TRIM37: variants seen among roughly 807,000 people sequenced by gnomAD.
TRIM37 encodes tripartite motif containing 37.
Under a neutral mutation model 129.8 loss-of-function variants are expected in TRIM37, and 80 were observed. The ratio of observed to expected loss-of-function variants is 0.62; its 90% CI spans 0.51 to 0.74. The LOEUF (loss-of-function observed/expected upper bound fraction) is 0.74, where lower values mean the gene tolerates loss of function less well. Ranked by LOEUF, TRIM37 falls within the 30% of genes least tolerant of loss-of-function variation. TRIM37 has a pLI of 0.00. For missense variants in TRIM37, 1,054 were observed against 1,176.5 expected, an observed-to-expected ratio of 0.90 and a Z score of 1.52; for synonymous variants, 389 against 387.1, an observed-to-expected ratio of 1.00 and a Z score of -0.06.
At chr17:58,980,679 T>C, downstream of TRIM37, 1 of 1,614,192 alleles carries the variant, frequency 6.2e-7, no homozygotes, top group South Asian at 1.1e-5. The surrounding 1 kb of genome is among the most constrained non-coding windows in gnomAD (Gnocchi z 4.7). Flanking sequence ...GGGGAGCAGA[T>C]ATACAGAATG....
intron 16 of TRIM37, among the ~76,000 whole-genome samples, chr17:59,042,343 C>G (rs1435324379): frequency 7.0e-6 from 1 of 143,272 alleles, no homozygotes; most frequent in Non-Finnish European, 1.5e-5. Flanking sequence ...CAACTGCACT[C>G]CAGCCTGGGC....
At chr17:59,020,907 A>T (rs907872205) in intron 19 of TRIM37, among the ~76,000 whole-genome samples, 2 of 152,194 alleles carry the variant, frequency 1.3e-5, no homozygotes, top group Non-Finnish European at 2.9e-5. Context: ...ACTACGGAAA[A>T]CAGTTTGGAG....
chr17:58,999,347 G>A lies in TRIM37; in HGVS notation c.*30C>T, dbSNP rs753830301. The A allele has an allele frequency of 1.9e-6, 3 of 1,613,622 alleles. No homozygotes were observed. The African/African-American group carries it at 4.0e-5, about 22-fold the overall frequency. On this transcript the variant is annotated 3_prime_UTR_variant, in exon 24 of 24. Coordinates refer to ENST00000262294, the MANE Select transcript of TRIM37 (RefSeq NM_015294.6). ...TACAGCAAAATTCAGGGTCAAGGTA[G>A]CTTGCAAGTCAGTTCTCTTGATTTG...
intron 1 of TRIM37, among the ~76,000 whole-genome samples, chr17:59,104,937 CAA>C (rs1462570870): frequency 6.6e-6 from 1 of 151,674 alleles, no homozygotes; most frequent in Non-Finnish European, 1.5e-5. Context: ...ACTAAAAATA[CAA>C]AAATTAGCCA....
At chr17:59,061,777 C>T (rs982919350) in intron 11 of TRIM37, among the ~76,000 whole-genome samples, 2 of 152,046 alleles carry the variant, frequency 1.3e-5, no homozygotes, top group African/African-American at 4.8e-5. Context: ...CCCAACGAGA[C>T]AATGAAGGCT....
At chr17:58,984,814 C>T (rs2031646480) in intron 24 of TRIM37, 1 of 152,356 alleles carries the variant, frequency 6.6e-6, no homozygotes, top group South Asian at 2.1e-4. Flanking sequence ...AATTAGAAAA[C>T]ATGAAATAGG....
Position 58,998,568 on chromosome 17 carries a change from T to G in TRIM37, c.*809A>C, listed in dbSNP as rs2033255733. The G allele has an allele frequency of 3.0e-5, 30 of 985,396 alleles. No homozygotes were observed. Among genetic ancestry groups the G allele is most frequent in the Non-Finnish European group, 3.6e-5 (30 of 829,922 alleles). The allele number at this position is 985,396 out of a possible 1,614,324, so 61.0% of individuals were successfully genotyped here. A position where few individuals can be genotyped will look rare whatever the true frequency, so the allele number is the denominator to read the frequency against. ...AATGAATCTTTAAATGTGTTGACAC[T>G]GAAATCAATGTACAACTAATGAAAA... On this transcript the variant is annotated 3_prime_UTR_variant, in exon 24 of 24. Coordinates refer to ENST00000262294, the MANE Select transcript of TRIM37 (RefSeq NM_015294.6).
intron 21 of TRIM37, among the ~76,000 whole-genome samples, 156 bp downstream of exon 21, chr17:59,015,454 A>T (rs1301989148): frequency 6.6e-6 from 1 of 151,712 alleles, no homozygotes; most frequent in Non-Finnish European, 1.5e-5. Flanking sequence ...AATAAAAAAA[A>T]TTAAAAAAGT....
rs573995545 is a variant in TRIM37, at chr17:59,088,531, A to G, written c.165-124T>C. On this transcript the variant is annotated intron_variant, in intron 3 of 23. Coordinates refer to ENST00000262294, the MANE Select transcript of TRIM37 (RefSeq NM_015294.6). ...ACCATAACACTATTTTTTTTTTTTA[A>G]GAGATGAGTCTCACTCTATGACCCA... 23 of 706,314 alleles carry G rather than the reference A, an allele frequency of 3.3e-5. No homozygotes were observed. The African/African-American group carries it at 4.1e-4, about 13-fold the overall frequency. The allele number at this position is 706,314 out of a possible 1,614,324, so 43.8% of individuals were successfully genotyped here.
At chr17:59,057,089 A>G in intron 12 of TRIM37, 35 bp from the exon 13 acceptor site, 6 of 1,584,912 alleles carry the variant, frequency 3.8e-6, no homozygotes, top group Non-Finnish European at 5.2e-6. Flanking sequence ...CTATACAGTT[A>G]GTAAAGTAAG....
chr17:59,088,236 A>T, intron 4 of TRIM37, 55 bp downstream of exon 4: 1 of 1,144,732 alleles, frequency 8.7e-7, no homozygotes, highest in Non-Finnish European at 1.3e-6. Flanking sequence ...TAGTGTCATT[A>T]AACAATACAA....
chr17:59,031,980 A>T lies in TRIM37; in HGVS notation c.1864T>A (p.Leu622Met), dbSNP rs1408919896. The change falls in exon 18 of 24, where the codon TTG becomes ATG. Residue 622 changes from leucine (L) to methionine (M), a missense_variant. Transcript: ENST00000262294. ...CTGCTCCGGTCCTTAAGGTCCAACA[A>T]ATGTATTAAAATTAATGGATCAATG... is the stretch of plus-strand genomic sequence containing the variant. ...LDIDPLILIH[L>M]LDLKDRSSIE... The T allele has an allele frequency of 2.5e-6, 4 of 1,614,214 alleles. No homozygotes were observed. In the South Asian group the frequency reaches 4.4e-5, roughly 18 times the overall value.
intron 24 of TRIM37, among the ~76,000 whole-genome samples, chr17:58,988,427 C>T (rs951429537): frequency 6.6e-6 from 1 of 152,000 alleles, no homozygotes; most frequent in Non-Finnish European, 1.5e-5. Flanking sequence ...ATACTGTTGC[C>T]GTCTGGACAC....
chr17:59,088,480 A>C, intron 3 of TRIM37, 73 bp from the exon 4 acceptor site: 2 of 957,932 alleles, frequency 2.1e-6, no homozygotes, highest in South Asian at 1.3e-5. Context: ...TACGTTTCTC[A>C]AAATAGAGAG....
chr17:59,076,263 C>T (rs1047356379), intron 7 of TRIM37, among the ~76,000 whole-genome samples: 2 of 152,112 alleles, frequency 1.3e-5, no homozygotes, highest in Admixed American at 6.5e-5. Context: ...TATTACTGGC[C>T]GGGGCCATGG....
chr17:59,049,949 C>T (rs1419752222), intron 14 of TRIM37, among the ~76,000 whole-genome samples: 1 of 152,172 alleles, frequency 6.6e-6, no homozygotes, highest in East Asian at 1.9e-4. Flanking sequence ...ATAGTGAATA[C>T]AGGCAGTTTT....
At chr17:58,996,110 TAGGAAA>T (rs1344064557), downstream of TRIM37, among the ~76,000 whole-genome samples, 3 of 152,110 alleles carry the variant, frequency 2.0e-5, no homozygotes, top group Non-Finnish European at 1.5e-5. Flanking sequence ...AAATCTATAG[TAGGAAA>T]TCCTCACAGA....
Position 59,038,400 on chromosome 17 carries a change from A to G in TRIM37, c.1753+3413T>C, listed in dbSNP as rs573765750. ...TAACAAATTTCTGCCAAATACATAA[A>G]TTTCCCAAAGCATATAATAAAAATA... On this transcript the variant is annotated intron_variant, in intron 17 of 23. Coordinates refer to ENST00000262294, the MANE Select transcript of TRIM37 (RefSeq NM_015294.6). Among the ~76,000 whole-genome samples the G allele has an allele frequency of 2.3e-3, 344 of 152,254 alleles. 1 individual carries two copies. Among genetic ancestry groups the G allele is most frequent in the Non-Finnish European group, 4.4e-3 (297 of 68,026 alleles).
intron 17 of TRIM37, among the ~76,000 whole-genome samples, chr17:59,032,531 C>CAAAAAAAA (rs35442859): frequency 4.3e-4 from 36 of 84,570 alleles, no homozygotes; most frequent in Admixed American, 5.7e-4. Context: ...GACTCCGTCT[C>CAAAAAAAA]AAAAAAAAAA....
Sources: allele counts gnomAD v4.1 joint callset (sites outside exome capture counted in the v4.1 genomes callset), GRCh38; gene constraint gnomAD v4.1.1; non-coding constraint Gnocchi (gnomAD v3.1); transcripts MANE v1.5; gene names NCBI Gene and HGNC (gene_info 2026-07-23, HGNC 2026-07-21).